Variants in MALRD1 observed in about 807,000 individuals in gnomAD.
The protein encoded by MALRD1 is MAM and LDL-receptor class A domain-containing protein 1.
In MALRD1, 247 loss-of-function variants were observed where a neutral mutation model predicts 242.1. The observed-to-expected ratio is 1.02, with a 90% CI of 0.92 to 1.13. The LOEUF (loss-of-function observed/expected upper bound fraction) is 1.13. Among genes scored for constraint, MALRD1 ranks in the 50% most tolerant of loss-of-function variants. The pLI is 0.00. For synonymous variants in MALRD1, 995 were observed against 866.6 expected (o/e 1.15, Z -2.60); for missense variants, 2,989 against 2,533.1 (o/e 1.18, Z -3.86).
chr10:19,175,820 A>G (rs1388108008), intron 14 of MALRD1, among the ~76,000 whole-genome samples: 1 of 152,130 alleles, frequency 6.6e-6, no homozygotes, highest in South Asian at 2.1e-4. Context: ...TCAAAATTTA[A>G]TATTTTCAGA....
intron 18 of MALRD1, among the ~76,000 whole-genome samples, chr10:19,210,707 T>TAA (rs35277748): frequency 0.88 from 133,129 of 152,070 alleles, 58,468 homozygotes; most frequent in African/African-American, 0.95. Context: ...TGAAATCTTC[T>TAA]AAGTCATAGA....
At chr10:19,571,008 G>T (rs1836507749) in intron 33 of MALRD1, among the ~76,000 whole-genome samples, 1 of 151,982 alleles carries the variant, frequency 6.6e-6, no homozygotes, top group African/African-American at 2.4e-5. Flanking sequence ...TTATTTGTTG[G>T]AATTATTATA....
At chr10:19,570,673 T>A (rs573956862) in intron 33 of MALRD1, among the ~76,000 whole-genome samples, 1 of 152,164 alleles carries the variant, frequency 6.6e-6, no homozygotes, top group South Asian at 2.1e-4. Context: ...TACAAGAGTC[T>A]GTTGTTAAGT....
chr10:19,622,253 C>T (rs964805921), intron 36 of MALRD1, among the ~76,000 whole-genome samples: 10 of 151,190 alleles, frequency 6.6e-5, no homozygotes, highest in Admixed American at 2.0e-4. Context: ...AAAGTTAATT[C>T]AAACAATAAA....
At chr10:19,101,502 A>C (rs1836252446) in intron 4 of MALRD1, among the ~76,000 whole-genome samples, 1 of 136,976 alleles carries the variant, frequency 7.3e-6, no homozygotes, top group African/African-American at 2.7e-5. Context: ...AATATATAGC[A>C]TATGTATATC....
chr10:19,316,568 G>T (rs1842715708), intron 21 of MALRD1, among the ~76,000 whole-genome samples: 1 of 151,848 alleles, frequency 6.6e-6, no homozygotes, highest in Non-Finnish European at 1.5e-5. Context: ...GCAGTTGGTG[G>T]GTCAGGGACT....
chr10:19,273,640 C>A (rs1050016361), intron 19 of MALRD1, among the ~76,000 whole-genome samples: 1 of 152,130 alleles, frequency 6.6e-6, no homozygotes, highest in African/African-American at 2.4e-5. Context: ...AGGCTACATA[C>A]CCTATGATTC....
At chr10:19,058,982 A>T (rs1310461487) in intron 1 of MALRD1, among the ~76,000 whole-genome samples, 1 of 152,194 alleles carries the variant, frequency 6.6e-6, no homozygotes, top group Non-Finnish European at 1.5e-5. Context: ...CATGCCCTCT[A>T]ACTGGTAATT....
chr10:19,124,396 G>C, intron 6 of MALRD1, 128 bp from the exon 7 acceptor site: 3 of 861,878 alleles, frequency 3.5e-6, no homozygotes, highest in Non-Finnish European at 4.6e-6. Flanking sequence ...CAAACTTGCA[G>C]ATATAAATTA....
At chr10:19,504,434 C>T (rs1386559515) in intron 31 of MALRD1, among the ~76,000 whole-genome samples, 1 of 151,798 alleles carries the variant, frequency 6.6e-6, no homozygotes, top group Non-Finnish European at 1.5e-5. Context: ...AGAGACTCCC[C>T]TACTTCTACT....
intron 28 of MALRD1, among the ~76,000 whole-genome samples, chr10:19,444,491 A>G (rs1429219165): frequency 6.6e-6 from 1 of 152,146 alleles, no homozygotes; most frequent in Admixed American, 6.5e-5. Context: ...GAGCTATTGT[A>G]AGGCAGGCTT....
At chr10:19,250,529 C>T (rs1839252096) in intron 18 of MALRD1, among the ~76,000 whole-genome samples, 1 of 151,842 alleles carries the variant, frequency 6.6e-6, no homozygotes, top group Non-Finnish European at 1.5e-5. Flanking sequence ...ATGATCAACA[C>T]TGATTCTTTT....
chr10:19,175,463 A>AAAATATATATATATATAT (rs1179056617), intron 14 of MALRD1, 135 bp downstream of exon 14: 8 of 202,788 alleles, frequency 3.9e-5, no homozygotes, highest in African/African-American at 1.8e-4. Context: ...TGAAACCTAA[A>AAAATATATATATATATAT]ATATATATAT....
intron 28 of MALRD1, among the ~76,000 whole-genome samples, chr10:19,395,656 A>G (rs1846544933): frequency 6.6e-6 from 1 of 152,172 alleles, no homozygotes; most frequent in Non-Finnish European, 1.5e-5. Context: ...CAAAGGTGTA[A>G]CCACACAAGA....
intron 18 of MALRD1, among the ~76,000 whole-genome samples, chr10:19,212,378 A>G (rs978726714): frequency 6.6e-6 from 1 of 152,158 alleles, no homozygotes; most frequent in Non-Finnish European, 1.5e-5. Context: ...TTTTCTCTGC[A>G]TGTTTTACCT....
intron 5 of MALRD1, among the ~76,000 whole-genome samples, chr10:19,112,340 C>T (rs937677057): frequency 2.0e-5 from 3 of 151,742 alleles, no homozygotes; most frequent in Non-Finnish European, 4.4e-5. Flanking sequence ...GAGGGAGCAT[C>T]GGAGACATGC....
intron 38 of MALRD1, among the ~76,000 whole-genome samples, chr10:19,711,863 A>G (rs1298835667): frequency 1.3e-5 from 2 of 152,202 alleles, no homozygotes; most frequent in East Asian, 1.9e-4. Flanking sequence ...TCCCTGACCA[A>G]TTAAAATCAG....
At chr10:19,730,897 G>C in intron 39 of MALRD1, 116 bp downstream of exon 39, 2 of 967,530 alleles carry the variant, frequency 2.1e-6, no homozygotes, top group Non-Finnish European at 3.0e-6. Context: ...ATAACTAAAA[G>C]AAATGTTTTA....
intron 28 of MALRD1, among the ~76,000 whole-genome samples, chr10:19,430,495 A>C (rs1037327074): frequency 1.3e-5 from 2 of 151,768 alleles, no homozygotes. Flanking sequence ...TTTATATTAC[A>C]CCTTGCTAAT....
Sources: allele counts gnomAD v4.1 joint callset (sites outside exome capture counted in the v4.1 genomes callset), GRCh38; gene constraint gnomAD v4.1.1; transcripts MANE v1.5; gene names NCBI Gene and HGNC (gene_info 2026-07-23, HGNC 2026-07-21).